The following CORIN variants were observed in gnomAD, a reference collection of about 807,000 sequenced individuals.
CORIN encodes the protein atrial natriuretic peptide-converting enzyme.
In CORIN, 117 loss-of-function variants were observed where a neutral mutation model predicts 125.3. That is an observed-to-expected ratio of 0.93 (90% CI 0.80 to 1.09). The LOEUF is 1.09. CORIN is among the 50% of genes least tolerant of loss of function. The pLI is 0.00. For missense variants in CORIN, 1,253 were observed against 1,306.7 expected, an observed-to-expected ratio of 0.96 and a Z score of 0.63; for synonymous variants, 450 against 466.4, an observed-to-expected ratio of 0.96 and a Z score of 0.45.
intron 6 of CORIN, among the ~76,000 whole-genome samples, chr4:47,687,347 A>G (rs577085373): frequency 2.2e-4 from 34 of 152,328 alleles, no homozygotes; most frequent in African/African-American, 8.2e-4. Flanking sequence ...AGATGTTGTC[A>G]GTGCAATTTG....
At chr4:47,758,684 T>C (rs557859646) in intron 4 of CORIN, among the ~76,000 whole-genome samples, 15 of 152,364 alleles carry the variant, frequency 9.8e-5, no homozygotes, top group African/African-American at 1.9e-4. Context: ...TGGAAGGTAA[T>C]TGAATCATAG....
At chr4:47,835,862 C>T (rs768617833) in intron 1 of CORIN, among the ~76,000 whole-genome samples, 3 of 152,162 alleles carry the variant, frequency 2.0e-5, no homozygotes, top group Non-Finnish European at 4.4e-5. Context: ...AAGAAAGTGT[C>T]TCTGTACCTG....
intron 5 of CORIN, among the ~76,000 whole-genome samples, chr4:47,740,871 A>C (rs1362969284): frequency 6.6e-6 from 1 of 151,990 alleles, no homozygotes; most frequent in Non-Finnish European, 1.5e-5. Flanking sequence ...CTCTTCAACA[A>C]TACATACTAG....
intron 16 of CORIN, among the ~76,000 whole-genome samples, chr4:47,636,717 T>C (rs1723041976): frequency 6.6e-6 from 1 of 152,238 alleles, no homozygotes; most frequent in African/African-American, 2.4e-5. Context: ...TCTCACCTTC[T>C]GCCATGATTG....
Position 47,623,643 on chromosome 4 carries a change from G to A in CORIN, c.2468C>T (p.Pro823Leu). 1.2e-6 allele frequency: 2 copies of A among 1,614,130 alleles called. No individual in the cohort carries two copies. Among genetic ancestry groups the A allele is most frequent in the Non-Finnish European group, 1.7e-6 (2 of 1,180,018 alleles). Residue 823 changes from proline (P) to leucine (L), a missense_variant, in exon 19 of 22, where the codon CCC (proline) becomes CTC (leucine). Coordinates refer to ENST00000273857, the MANE Select transcript of CORIN (RefSeq NM_006587.4). ...GACACAGCCACAGATATGTCCACTG[G>A]GTTCACTCTGCAGAGAACACTGCCA... ...WPWQCSLQSE[P>L]SGHICGCVLI...
intron 11 of CORIN, among the ~76,000 whole-genome samples, chr4:47,662,785 C>A (rs554924767): frequency 4.6e-5 from 7 of 152,244 alleles, no homozygotes; most frequent in African/African-American, 1.4e-4. Flanking sequence ...AAGGCCAGCT[C>A]CAGTCTTGCC....
intron 19 of CORIN, among the ~76,000 whole-genome samples, chr4:47,613,623 C>T (rs2109532026): frequency 6.6e-6 from 1 of 151,538 alleles, no homozygotes; most frequent in East Asian, 1.9e-4. Flanking sequence ...GAATACTATG[C>T]AGCCATAAAA....
intron 12 of CORIN, among the ~76,000 whole-genome samples, chr4:47,654,803 T>G (rs1253162859): frequency 1.3e-5 from 2 of 152,120 alleles, no homozygotes; most frequent in African/African-American, 2.4e-5. Flanking sequence ...GACAGTGGAC[T>G]TGGGGGCATG....
chr4:47,723,995 CA>C (rs766930754), intron 5 of CORIN, among the ~76,000 whole-genome samples: 210 of 58,924 alleles, frequency 3.6e-3, no homozygotes, highest in South Asian at 0.014. Context: ...GACTCCATCT[CA>C]AAAAAAAAAA....
Position 47,660,800 on chromosome 4 carries a change from A to T in CORIN, c.1735+911T>A, listed in dbSNP as rs536398461. ...TCAAAAAACTAAAAGTAGACCTAAT[A>T]CATGACCCAGCAATCCCACTGCTAG... On this transcript the variant is annotated intron_variant, in intron 12 of 21. Coordinates refer to ENST00000273857, the MANE Select transcript of CORIN (RefSeq NM_006587.4). Among the ~76,000 whole-genome samples, 24 of 152,338 alleles carry T rather than the reference A, an allele frequency of 1.6e-4. 1 individual carries two copies. In the South Asian group the frequency reaches 4.6e-3, roughly 29 times the overall value.
chr4:47,706,629 T>C (rs1176988646), intron 5 of CORIN: 3 of 1,606,334 alleles, frequency 1.9e-6, no homozygotes, highest in African/African-American at 2.7e-5. Flanking sequence ...AGCCTGTCCA[T>C]CATGGTGTTA....
Position 47,661,804 on chromosome 4 carries a change from C to T in CORIN, c.1642G>A (p.Gly548Ser), listed in dbSNP as rs777551524. The T allele has an allele frequency of 2.5e-6, 4 of 1,613,278 alleles. No homozygotes were observed. In the African/African-American group the frequency reaches 5.3e-5, roughly 22 times the overall value. The change falls in exon 12 of 22, where the codon GGC becomes AGC. Residue 548 changes from glycine to serine, a missense_variant. Physicochemically the swap from Gly to Ser is moderately conservative, Grantham distance 56. Coordinates refer to ENST00000273857, the MANE Select transcript of CORIN (RefSeq NM_006587.4). ...ERCESVLGIV[G>S]LQWPEDTDCS... is the part of the protein sequence containing the mutation. ...TCTGTGTCTTCAGGCCACTGTAGGC[C>T]CACAATCCCAAGAACAGACTCACAG...
At chr4:47,753,748 G>GT (rs1052476939) in intron 4 of CORIN, among the ~76,000 whole-genome samples, 8 of 151,568 alleles carry the variant, frequency 5.3e-5, no homozygotes, top group Admixed American at 2.6e-4. Flanking sequence ...CTGTTACTCT[G>GT]TTTTTTTTCA....
intron 2 of CORIN, among the ~76,000 whole-genome samples, chr4:47,787,310 T>C (rs1730860582): frequency 6.6e-6 from 1 of 152,184 alleles, no homozygotes; most frequent in Non-Finnish European, 1.5e-5. Flanking sequence ...CTTAGTTTCT[T>C]AATCTCACCG....
At chr4:47,730,945 A>T (rs1175018910) in intron 5 of CORIN, among the ~76,000 whole-genome samples, 1 of 152,250 alleles carries the variant, frequency 6.6e-6, no homozygotes, top group Non-Finnish European at 1.5e-5. Flanking sequence ...AAGGAAGCCA[A>T]TAATGAGGCT....
chr4:47,832,653 G>A (rs1733109827), intron 1 of CORIN, among the ~76,000 whole-genome samples: 1 of 151,860 alleles, frequency 6.6e-6, no homozygotes, highest in Admixed American at 6.6e-5. Context: ...TGCCATGTTG[G>A]CCAAGCTGGT....
chr4:47,773,610 C>T (rs1161451144), intron 3 of CORIN, among the ~76,000 whole-genome samples: 1 of 151,978 alleles, frequency 6.6e-6, no homozygotes, highest in Non-Finnish European at 1.5e-5. Flanking sequence ...TTTTTACTCT[C>T]TGACTCTGCA....
chr4:47,613,335 C>T (rs1307404497), intron 19 of CORIN, among the ~76,000 whole-genome samples: 2 of 152,142 alleles, frequency 1.3e-5, no homozygotes, highest in Non-Finnish European at 2.9e-5. Flanking sequence ...TGCCTGTAGT[C>T]CCAGCTACTT....
chr4:47,748,602 C>G (rs1394205883), intron 4 of CORIN, among the ~76,000 whole-genome samples: 1 of 151,874 alleles, frequency 6.6e-6, no homozygotes, highest in Admixed American at 6.6e-5. Context: ...ATTTATCTAC[C>G]AAAACTTGTA....
Sources: gnomAD v4.1 joint callset for allele counts (sites outside exome capture counted in the v4.1 genomes callset) on GRCh38, gnomAD v4.1.1 for gene constraint, MANE v1.5 for transcripts, NCBI Gene and HGNC (gene_info 2026-07-23, HGNC 2026-07-21) for gene names.